PTPRT: variants seen among roughly 807,000 people sequenced by gnomAD.
PTPRT encodes the protein protein tyrosine phosphatase receptor type T.
A neutral mutation model predicts 176.8 loss-of-function variants in PTPRT; 56 were observed. The ratio of observed to expected loss-of-function variants is 0.32; its 90% CI spans 0.26 to 0.40. The LOEUF is 0.40. PTPRT is among the 10% of genes least tolerant of loss of function. PTPRT has a pLI of 1.00. For missense variants in PTPRT, 1,540 were observed against 1,908.2 expected (o/e 0.81, Z 3.60); for synonymous variants, 783 against 739.0 (o/e 1.06, Z -0.96).
At chr20:42,831,817 C>A (rs76712283) in intron 2 of PTPRT, among the ~76,000 whole-genome samples, 1 of 152,192 alleles carries the variant, frequency 6.6e-6, no homozygotes, top group Non-Finnish European at 1.5e-5. Flanking sequence ...CAAATAAAAA[C>A]CACAATGAGA....
At chr20:42,624,661 A>G (rs1337387894) in intron 7 of PTPRT, among the ~76,000 whole-genome samples, 5 of 152,214 alleles carry the variant, frequency 3.3e-5, no homozygotes, top group Non-Finnish European at 5.9e-5. Context: ...GAGAAACGCC[A>G]GGCATGTTCA....
chr20:42,469,853 G>T (rs1217601635), intron 8 of PTPRT, among the ~76,000 whole-genome samples: 1 of 152,058 alleles, frequency 6.6e-6, no homozygotes, highest in Non-Finnish European at 1.5e-5. Context: ...AGAATTAGGG[G>T]CAGGGTGAGA....
chr20:42,300,257 C>CAAAA (rs761176814), intron 12 of PTPRT, among the ~76,000 whole-genome samples: 7 of 49,598 alleles, frequency 1.4e-4, no homozygotes, highest in Middle Eastern at 0.012. Context: ...AACTCCGTCT[C>CAAAA]AAAAAAAAAA....
intron 27 of PTPRT, among the ~76,000 whole-genome samples, chr20:42,097,675 A>G (rs1985404337): frequency 6.6e-6 from 1 of 152,224 alleles, no homozygotes; most frequent in South Asian, 2.1e-4. Context: ...ATTCCCATCC[A>G]AGGCCTGCAC....
intron 11 of PTPRT, among the ~76,000 whole-genome samples, chr20:42,349,429 C>G (rs2019326531): frequency 6.6e-6 from 1 of 152,182 alleles, no homozygotes; most frequent in Non-Finnish European, 1.5e-5. Context: ...ACTGGGAATT[C>G]TCTCCTCTGA....
intron 17 of PTPRT, among the ~76,000 whole-genome samples, chr20:42,151,291 C>G (rs530631020): frequency 2.0e-5 from 3 of 152,068 alleles, no homozygotes; most frequent in African/African-American, 7.2e-5. Context: ...CTCTAATGTT[C>G]TCCCTCCCTT....
At chr20:43,015,174 A>G (rs1397355187) in intron 1 of PTPRT, among the ~76,000 whole-genome samples, 2 of 152,192 alleles carry the variant, frequency 1.3e-5, no homozygotes, top group African/African-American at 2.4e-5. Context: ...ATCTTAGAAA[A>G]CAGAGAGGTA....
intron 7 of PTPRT, among the ~76,000 whole-genome samples, chr20:42,515,027 CAAGT>C (rs1295223812): frequency 6.6e-6 from 1 of 152,186 alleles, no homozygotes. Context: ...ACTCTCTTGT[CAAGT>C]TCCACTGGGG....
intron 1 of PTPRT, among the ~76,000 whole-genome samples, chr20:42,998,755 G>A (rs911366585): frequency 1.3e-5 from 2 of 152,182 alleles, no homozygotes; most frequent in Non-Finnish European, 2.9e-5. Flanking sequence ...GACAAGGGCA[G>A]ATACTTACTG....
chr20:42,742,824 A>C (rs1161767164), intron 6 of PTPRT, among the ~76,000 whole-genome samples: 1 of 152,204 alleles, frequency 6.6e-6, no homozygotes, highest in African/African-American at 2.4e-5. Flanking sequence ...CCCTTTCTAC[A>C]GATGGAGAAA....
chr20:42,709,136 C>A (rs746947430), intron 6 of PTPRT, among the ~76,000 whole-genome samples: 4 of 152,218 alleles, frequency 2.6e-5, no homozygotes, highest in Non-Finnish European at 4.4e-5. Flanking sequence ...TAAGGTCCTT[C>A]GGGACAGAAA....
the PTPRT span, among the ~76,000 whole-genome samples, chr20:42,053,346 C>A: frequency 6.4e-4 from 98 of 152,234 alleles, no homozygotes; most frequent in African/African-American, 2.2e-3. Context: ...ACAATTGGAG[C>A]GGTACTGTGG....
Position 42,306,042 on chromosome 20 carries a change from A to T in PTPRT, c.2139+9681T>A, listed in dbSNP as rs1479621106. Among the ~76,000 whole-genome samples, 5 of 152,334 alleles carry T rather than the reference A, an allele frequency of 3.3e-5. No individual in the cohort carries two copies. In the East Asian group the frequency reaches 9.6e-4, roughly 29 times the overall value. ...GAAGGCCCAGGCTGACAAGATTATCAGCTGTCAACATTTGGGTAACCTTCA... is the reference window on the plus strand; with the variant it reads ...GAAGGCCCAGGCTGACAAGATTATCTGCTGTCAACATTTGGGTAACCTTCA... On this transcript the variant is annotated intron_variant, in intron 12 of 30. Coordinates refer to ENST00000373187, the MANE Select transcript of PTPRT (RefSeq NM_007050.6).
the PTPRT span, among the ~76,000 whole-genome samples, chr20:42,041,628 T>A: frequency 6.6e-6 from 1 of 152,194 alleles, no homozygotes; most frequent in Admixed American, 6.5e-5. Context: ...TAAATCCCCA[T>A]GATGGCTTTC....
chr20:42,732,461 T>C (rs1030026381), intron 6 of PTPRT, among the ~76,000 whole-genome samples: 3 of 152,190 alleles, frequency 2.0e-5, no homozygotes, highest in African/African-American at 7.2e-5. Context: ...AATAGAGATA[T>C]GTTTGGCAGA....
At chr20:43,065,584 G>C (rs151033691) in intron 1 of PTPRT, among the ~76,000 whole-genome samples, 40 of 152,182 alleles carry the variant, frequency 2.6e-4, no homozygotes, top group African/African-American at 8.7e-4. Flanking sequence ...AGATCTGTTG[G>C]TAGGAAAATG....
intron 7 of PTPRT, among the ~76,000 whole-genome samples, chr20:42,540,327 C>T (rs2072555590): frequency 6.6e-6 from 1 of 152,070 alleles, no homozygotes. Context: ...TCTTCACATG[C>T]TGACCTGCTG....
At chr20:42,311,247 C>G (rs1027600290) in intron 12 of PTPRT, among the ~76,000 whole-genome samples, 13 of 152,152 alleles carry the variant, frequency 8.5e-5, no homozygotes, top group Non-Finnish European at 1.9e-4. Flanking sequence ...ATTGCATGTG[C>G]TTGACAGATG....
chr20:42,899,938 G>A (rs1206499215), intron 1 of PTPRT, among the ~76,000 whole-genome samples: 1 of 152,166 alleles, frequency 6.6e-6, no homozygotes, highest in Non-Finnish European at 1.5e-5. Flanking sequence ...TGGGAACTAT[G>A]TGCTATGCAC....
Sources: gnomAD v4.1 joint callset for allele counts (sites outside exome capture counted in the v4.1 genomes callset) on GRCh38, gnomAD v4.1.1 for gene constraint, MANE v1.5 for transcripts, NCBI Gene and HGNC (gene_info 2026-07-23, HGNC 2026-07-21) for gene names.